Variants in MPZL1 observed in about 807,000 individuals in gnomAD.
The protein encoded by MPZL1 is myelin protein zero-like protein 1.
A neutral mutation model predicts 29.3 loss-of-function variants in MPZL1; 16 were observed. The ratio of observed to expected loss-of-function variants is 0.55; its 90% CI spans 0.37 to 0.83. MPZL1 has a LOEUF of 0.83. Ranked by LOEUF, MPZL1 falls within the 40% of genes least tolerant of loss-of-function variation. The pLI is 0.00. For synonymous variants in MPZL1, 143 were observed against 132.0 expected (o/e 1.08, Z -0.57); for missense variants, 279 against 332.9 (o/e 0.84, Z 1.26).
chr1:167,761,057 A>G (rs771328084), intron 1 of MPZL1, among the ~76,000 whole-genome samples: 6 of 152,222 alleles, frequency 3.9e-5, no homozygotes, highest in Non-Finnish European at 8.8e-5. Context: ...AGAATTAACC[A>G]TGGAGGTCAT....
At chr1:167,741,474 C>T (rs1047451650) in intron 1 of MPZL1, among the ~76,000 whole-genome samples, 6 of 143,338 alleles carry the variant, frequency 4.2e-5, no homozygotes, top group African/African-American at 7.8e-5. Context: ...TACAGGCACA[C>T]GCCACCACGC....
chr1:167,781,223 C>A (rs568185772), intron 5 of MPZL1, among the ~76,000 whole-genome samples: 2 of 152,174 alleles, frequency 1.3e-5, no homozygotes, highest in East Asian at 3.9e-4. Context: ...AAAAAAGATG[C>A]GGAAGACTTA....
intron 1 of MPZL1, among the ~76,000 whole-genome samples, chr1:167,755,268 G>C (rs1252469061): frequency 1.3e-5 from 2 of 152,082 alleles, no homozygotes; most frequent in Non-Finnish European, 2.9e-5. Flanking sequence ...CCAATCTCTT[G>C]TTCTGTCCTT....
At position 167,737,618 on chromosome 1, in the gene MPZL1, T is replaced by C. The variant is rs535181200; in HGVS notation, c.91+15376T>C. 2.0e-5 allele frequency among the ~76,000 whole-genome samples: 3 copies of C among 152,304 alleles called. No homozygotes were observed. The South Asian group carries it at 6.2e-4, about 32-fold the overall frequency. On this transcript the variant is annotated intron_variant, in intron 1 of 5. Transcript: ENST00000359523. ...GGGAATATGGGATAAGCCCAGTAGA[T>C]GTTTATTGAATGACCTCAATGGCTC...
intron 5 of MPZL1, chr1:167,787,189 A>G (rs984538201): frequency 6.6e-6 from 1 of 152,208 alleles, no homozygotes; most frequent in Non-Finnish European, 1.5e-5. Flanking sequence ...AACAGGAAGA[A>G]CAGTTATCTG....
chr1:167,766,431 T>C (rs954971965), intron 2 of MPZL1, among the ~76,000 whole-genome samples: 1 of 152,068 alleles, frequency 6.6e-6, no homozygotes, highest in Non-Finnish European at 1.5e-5. Flanking sequence ...CACACAAGGG[T>C]GTTAGGAGGA....
At chr1:167,734,432 G>C (rs1361321446) in intron 1 of MPZL1, among the ~76,000 whole-genome samples, 1 of 152,042 alleles carries the variant, frequency 6.6e-6, no homozygotes, top group Admixed American at 6.6e-5. Context: ...AACACCCTGA[G>C]TTGCGTAACA....
intron 1 of MPZL1, among the ~76,000 whole-genome samples, chr1:167,735,269 A>G (rs542985938): frequency 6.6e-6 from 1 of 152,334 alleles, no homozygotes; most frequent in Admixed American, 6.5e-5. Context: ...TACGTGTTTG[A>G]TTAAAAGTAC....
intron 1 of MPZL1, among the ~76,000 whole-genome samples, chr1:167,748,609 T>A (rs990726062): frequency 3.3e-5 from 5 of 152,300 alleles, no homozygotes; most frequent in South Asian, 4.1e-4. Context: ...AAGCAAAAAA[T>A]TTTAAATTTT....
chr1:167,734,758 G>A (rs963418275), intron 1 of MPZL1, among the ~76,000 whole-genome samples: 1 of 152,068 alleles, frequency 6.6e-6, no homozygotes, highest in Admixed American at 6.6e-5. Context: ...CTCAGGGGAG[G>A]CCATTAAAGT....
At position 167,765,651 on chromosome 1, in the gene MPZL1, G is replaced by A. The variant is rs886963894; in HGVS notation, c.160G>A (p.Gly54Arg). ...KEIFVANGTQ[G>R]KLTCKFKSTS... ...AATCTTCGTGGCAAATGGTACACAA[G>A]GGAAGCTGACCTGCAAGTTCAAGTC... is the stretch of plus-strand genomic sequence containing the variant. The change falls in exon 2 of 6, where the codon GGG (glycine) becomes AGG (arginine). Residue 54 changes from glycine (G) to arginine (R), a missense_variant. Physicochemically the swap from Gly to Arg is moderately radical, Grantham distance 125. Transcript: ENST00000359523. The A allele has an allele frequency of 1.2e-6, 2 of 1,613,502 alleles. No homozygotes were observed. The highest frequency in any genetic ancestry group is 1.3e-5 in the African/African-American group (1 of 74,994).
chr1:167,778,311 G>T lies in MPZL1; in HGVS notation c.708+2145G>T, dbSNP rs1264310137. ...CACTCCAGCCTGGGTGACAGAGTGA[G>T]ACTCCATCTCAAAAAAAAAAAAACA... On this transcript the variant is annotated intron_variant, in intron 5 of 5. Coordinates refer to ENST00000359523, the MANE Select transcript of MPZL1 (RefSeq NM_003953.6). Among the ~76,000 whole-genome samples the T allele has an allele frequency of 4.7e-5, 7 of 149,946 alleles. No homozygotes were observed. The East Asian group carries it at 1.4e-3, about 29-fold the overall frequency.
rs1661705530 is a variant in MPZL1, at chr1:167,791,167, T to G, written c.*3246T>G. On this transcript the variant is annotated 3_prime_UTR_variant, in exon 6 of 6. Coordinates refer to ENST00000359523, the MANE Select transcript of MPZL1 (RefSeq NM_003953.6). ...CTCCCTCTTTCCCAGTACACACTTG[T>G]CTGTTCTCCCGCATTAGAACATAGT... The G allele has an allele frequency of 1.3e-5, 2 of 152,254 alleles. No individual in the cohort carries two copies. The highest frequency in any genetic ancestry group is 2.9e-5 in the Non-Finnish European group (2 of 68,072). 9.4% of individuals were successfully genotyped at this position (152,254 alleles called of 1,614,324 possible).
At chr1:167,782,601 A>G (rs1406083646) in intron 5 of MPZL1, among the ~76,000 whole-genome samples, 6 of 152,204 alleles carry the variant, frequency 3.9e-5, no homozygotes, top group Non-Finnish European at 8.8e-5. Flanking sequence ...GTAGACTATA[A>G]TGGCCCCACA....
intron 5 of MPZL1, among the ~76,000 whole-genome samples, chr1:167,786,417 A>AT (rs1661594488): frequency 6.6e-6 from 1 of 152,236 alleles, no homozygotes; most frequent in Non-Finnish European, 1.5e-5. Context: ...AAAAACAAAA[A>AT]TGTAGATATT....
rs1661699281 is a variant in MPZL1, at chr1:167,790,930, C to T, written c.*3009C>T. On this transcript the variant is annotated 3_prime_UTR_variant, in exon 6 of 6. Transcript: ENST00000359523. ...TTTCTTCAAAAATGCCGTCCGTGTG[C>T]CTGCTTCTGGGCCTTTGCACATGCT... The T allele has an allele frequency of 6.6e-6, 1 of 152,210 alleles. No individual in the cohort carries two copies. The highest frequency in any genetic ancestry group is 2.4e-5 in the African/African-American group (1 of 41,438). The allele number at this position is 152,210 out of a possible 1,614,324, so 9.4% of individuals were successfully genotyped here. A position where few individuals can be genotyped will look rare whatever the true frequency, so the allele number is the denominator to read the frequency against.
chr1:167,784,503 G>C (rs1344214938), intron 5 of MPZL1, among the ~76,000 whole-genome samples: 1 of 152,142 alleles, frequency 6.6e-6, no homozygotes, highest in East Asian at 1.9e-4. Flanking sequence ...TTTCAAAGTT[G>C]ATCGTGGTTC....
intron 5 of MPZL1, among the ~76,000 whole-genome samples, chr1:167,779,604 C>G (rs1661449425): frequency 1.3e-5 from 2 of 151,822 alleles, no homozygotes; most frequent in Non-Finnish European, 1.5e-5. Context: ...AAAATTGACT[C>G]TTTACAGCAA....
chr1:167,724,845 G>A (rs1362419797), intron 1 of MPZL1, among the ~76,000 whole-genome samples: 1 of 152,086 alleles, frequency 6.6e-6, no homozygotes, highest in Non-Finnish European at 1.5e-5. Flanking sequence ...TTGGATGAGG[G>A]CATCCAGGGA....
Sources: allele counts gnomAD v4.1 joint callset (sites outside exome capture counted in the v4.1 genomes callset), GRCh38; gene constraint gnomAD v4.1.1; transcripts MANE v1.5; gene names NCBI Gene and HGNC (gene_info 2026-07-23, HGNC 2026-07-21).